The following PDE1C variants were observed in gnomAD, a reference collection of about 807,000 sequenced individuals.
PDE1C encodes phosphodiesterase 1C.
A neutral mutation model predicts 93.1 loss-of-function variants in PDE1C; 62 were observed. The ratio of observed to expected loss-of-function variants is 0.67; its 90% CI spans 0.54 to 0.82. The LOEUF (loss-of-function observed/expected upper bound fraction) is 0.82, where lower values mean the gene tolerates loss of function less well. PDE1C is among the 40% of genes least tolerant of loss of function. PDE1C has a pLI of 0.00. For missense variants in PDE1C, 742 were observed against 884.6 expected (o/e 0.84, Z 2.04); for synonymous variants, 325 against 310.1 (o/e 1.05, Z -0.50).
At chr7:32,273,321 G>A (rs1372405830) in intron 1 of PDE1C, among the ~76,000 whole-genome samples, 1 of 152,162 alleles carries the variant, frequency 6.6e-6, no homozygotes, top group Non-Finnish European at 1.5e-5. Context: ...TTAGAGAAAA[G>A]CAAAGATGTC....
chr7:31,651,324 G>A, the PDE1C span: 4 of 1,588,164 alleles, frequency 2.5e-6, no homozygotes, highest in African/African-American at 5.4e-5. Flanking sequence ...CCTGGAGCAA[G>A]GAAGATAATC....
At chr7:31,625,504 CAAT>C in the PDE1C span, among the ~76,000 whole-genome samples, 36 of 152,188 alleles carry the variant, frequency 2.4e-4, no homozygotes, top group African/African-American at 7.7e-4. Context: ...TCATCATTCT[CAAT>C]AAACTATTGC....
chr7:32,014,384 G>T (rs572996646), intron 2 of PDE1C, among the ~76,000 whole-genome samples: 1 of 152,248 alleles, frequency 6.6e-6, no homozygotes, highest in Admixed American at 6.5e-5. Flanking sequence ...TTGTTTTAAC[G>T]CCCACAAATC....
At chr7:32,036,757 A>G (rs1180916594) in intron 2 of PDE1C, among the ~76,000 whole-genome samples, 1 of 152,190 alleles carries the variant, frequency 6.6e-6, no homozygotes, top group African/African-American at 2.4e-5. Flanking sequence ...TCAACAAGAA[A>G]TAGAAACTCT....
At chr7:31,709,648 G>A in the PDE1C span, among the ~76,000 whole-genome samples, 1 of 152,136 alleles carries the variant, frequency 6.6e-6, no homozygotes, top group African/African-American at 2.4e-5. Flanking sequence ...ATACAGAATG[G>A]TGAGAGGCAA....
At chr7:32,325,233 G>C (rs1282123908) in intron 1 of PDE1C, among the ~76,000 whole-genome samples, 2 of 152,186 alleles carry the variant, frequency 1.3e-5, no homozygotes, top group East Asian at 1.9e-4. Context: ...ACCCTGAAGA[G>C]AGCATCCATT....
At chr7:32,094,513 G>A (rs111868672) in intron 3 of PDE1C, among the ~76,000 whole-genome samples, 10 of 152,194 alleles carry the variant, frequency 6.6e-5, no homozygotes, top group Non-Finnish European at 1.3e-4. Context: ...AGAGCAACTT[G>A]ACAAACTGCT....
intron 2 of PDE1C, among the ~76,000 whole-genome samples, chr7:31,942,611 T>C (rs554673135): frequency 7.4e-4 from 113 of 152,316 alleles, no homozygotes; most frequent in African/African-American, 2.6e-3. Context: ...GAGAAAAATC[T>C]AAGACAGTAA....
At chr7:31,869,368 T>C (rs540766055) in intron 6 of PDE1C, among the ~76,000 whole-genome samples, 66 of 152,168 alleles carry the variant, frequency 4.3e-4, no homozygotes, top group African/African-American at 1.5e-3. Flanking sequence ...ATATGTCGCC[T>C]ATAAGAAACT....
chr7:32,015,521 C>A (rs1227110831), intron 2 of PDE1C, among the ~76,000 whole-genome samples: 2 of 152,018 alleles, frequency 1.3e-5, no homozygotes, highest in Non-Finnish European at 2.9e-5. Flanking sequence ...CATATTTCTG[C>A]CTGCCCCCCA....
At chr7:32,304,833 C>T (rs1812959534) in intron 1 of PDE1C, among the ~76,000 whole-genome samples, 1 of 151,952 alleles carries the variant, frequency 6.6e-6, no homozygotes, top group African/African-American at 2.4e-5. Flanking sequence ...TTCAATTTTA[C>T]TTATTATTAT....
intron 3 of PDE1C, among the ~76,000 whole-genome samples, chr7:32,156,712 A>G (rs139388704): frequency 4.9e-3 from 751 of 152,352 alleles, no homozygotes; most frequent in African/African-American, 0.017. Context: ...ATTTACAGTC[A>G]AATATCATCC....
chr7:31,774,633 A>G (rs1795711224), intron 17 of PDE1C, among the ~76,000 whole-genome samples: 1 of 152,234 alleles, frequency 6.6e-6, no homozygotes, highest in Non-Finnish European at 1.5e-5. Context: ...TTATCAATAG[A>G]CATATAAATA....
At chr7:31,999,781 T>G (rs1391010160) in intron 2 of PDE1C, among the ~76,000 whole-genome samples, 1 of 152,196 alleles carries the variant, frequency 6.6e-6, no homozygotes, top group African/African-American at 2.4e-5. Context: ...GTTTTGGTAA[T>G]TAAGGAACCC....
At chr7:31,634,280 A>G in the PDE1C span, among the ~76,000 whole-genome samples, 2 of 152,198 alleles carry the variant, frequency 1.3e-5, no homozygotes, top group African/African-American at 4.8e-5. Flanking sequence ...TCTAATTAAT[A>G]TTAGTATTAA....
chr7:31,707,230 C>A, the PDE1C span: 10 of 1,613,832 alleles, frequency 6.2e-6, no homozygotes, highest in Non-Finnish European at 8.5e-6. Flanking sequence ...GGACGAGAGA[C>A]CCAAAGCAAT....
intron 1 of PDE1C, among the ~76,000 whole-genome samples, chr7:32,407,057 C>T (rs1000199234): frequency 1.3e-5 from 2 of 152,098 alleles, no homozygotes; most frequent in South Asian, 4.1e-4. Context: ...GGGCGAATCA[C>T]GAGGTCAGGA....
chr7:31,950,361 C>T (rs900882768), intron 2 of PDE1C, among the ~76,000 whole-genome samples: 1 of 152,152 alleles, frequency 6.6e-6, no homozygotes, highest in Non-Finnish European at 1.5e-5. Flanking sequence ...TCTTACAGCC[C>T]ACCCCAATAT....
chr7:31,697,851 C>T, the PDE1C span, among the ~76,000 whole-genome samples: 4 of 152,256 alleles, frequency 2.6e-5, no homozygotes, highest in East Asian at 5.8e-4. Context: ...AATAGAGAGG[C>T]TATTATCTCG....
Sources: allele counts gnomAD v4.1 joint callset (sites outside exome capture counted in the v4.1 genomes callset), GRCh38; gene constraint gnomAD v4.1.1; transcripts MANE v1.5; gene names NCBI Gene and HGNC (gene_info 2026-07-23, HGNC 2026-07-21).